ERCC6L: variants seen among roughly 807,000 people sequenced by gnomAD.
ERCC6L encodes the protein ERCC excision repair 6 like, spindle assembly checkpoint helicase, also known as DNA excision repair protein ERCC-6-like.
A neutral mutation model predicts 20.1 loss-of-function variants in ERCC6L; 7 were observed. The observed-to-expected ratio is 0.35, with a 90% CI of 0.20 to 0.65. The LOEUF (loss-of-function observed/expected upper bound fraction) is 0.65, where lower values mean the gene tolerates loss of function less well. Ranked by LOEUF, ERCC6L falls within the 30% of genes least tolerant of loss-of-function variation. The pLI is 0.69. For missense variants in ERCC6L, 592 were observed against 892.4 expected, an observed-to-expected ratio of 0.66 and a Z score of 4.29; for synonymous variants, 278 against 331.3, an observed-to-expected ratio of 0.84 and a Z score of 1.75.
At chrX:72,213,782 A>G (rs931901024) in intron 1 of ERCC6L, among the ~76,000 whole-genome samples, 2 of 111,263 alleles carry the variant, frequency 1.8e-5, no homozygotes, top group Non-Finnish European at 3.8e-5. Context: ...GAGCTATAAC[A>G]CTCACCATGT....
intron 1 of ERCC6L, among the ~76,000 whole-genome samples, chrX:72,220,652 T>C (rs751763266): frequency 3.9e-5 from 4 of 102,713 alleles, no homozygotes; most frequent in Non-Finnish European, 4.0e-5. Flanking sequence ...CAAGATAACC[T>C]CCCCTCCTCC....
At chrX:72,222,891 C>T (rs771284015) in intron 1 of ERCC6L, among the ~76,000 whole-genome samples, 5 of 108,077 alleles carry the variant, frequency 4.6e-5, no homozygotes, top group South Asian at 4.2e-4. Flanking sequence ...CCACTGCGCC[C>T]GGCCTGAATC....
intron 1 of ERCC6L, among the ~76,000 whole-genome samples, chrX:72,232,805 C>T (rs947273758): frequency 3.6e-5 from 4 of 110,861 alleles, no homozygotes; most frequent in Admixed American, 9.6e-5. Flanking sequence ...AGCGAAACTC[C>T]GTCTCAGAAA....
intron 1 of ERCC6L, among the ~76,000 whole-genome samples, chrX:72,223,758 A>C (rs1361471552): frequency 9.0e-6 from 1 of 111,442 alleles, no homozygotes; most frequent in Non-Finnish European, 1.9e-5. Context: ...TGCTGTCCAA[A>C]GGTCAGTTAC....
At chrX:72,223,280 C>T (rs1377450591) in intron 1 of ERCC6L, among the ~76,000 whole-genome samples, 3 of 97,423 alleles carry the variant, frequency 3.1e-5, no homozygotes, top group Non-Finnish European at 4.1e-5. Flanking sequence ...GCGGAGGTTG[C>T]GGTGAGCTGA....
chrX:72,213,642 T>A (rs1401614639), intron 1 of ERCC6L, among the ~76,000 whole-genome samples: 1 of 112,371 alleles, frequency 8.9e-6, no homozygotes, highest in Non-Finnish European at 1.9e-5. Context: ...AAGGCGCCCA[T>A]TGCCGCTCCC....
In ERCC6L at chrX:72,238,960, A is replaced by C. The variant is rs1426087908; in HGVS notation, c.-49T>G. On this transcript the variant is annotated 5_prime_UTR_variant, in exon 1 of 2. Coordinates refer to ENST00000334463, the MANE Select transcript of ERCC6L (RefSeq NM_017669.4). Reference sequence around the variant, plus strand: ...ACCCCGGCGGGAGTTTGGAGCTTGGAGCTTGGAGCTTGGAGCTTGGAGCTT... The same window carrying C: ...ACCCCGGCGGGAGTTTGGAGCTTGGCGCTTGGAGCTTGGAGCTTGGAGCTT... 1 of 990,461 alleles carries C rather than the reference A, an allele frequency of 1.0e-6. No individual in the cohort carries two copies. The highest frequency in any genetic ancestry group is 2.6e-5 in the Admixed American group (1 of 38,354). The allele number at this position is 990,461 out of a possible 1,213,427, so 81.6% of individuals were successfully genotyped here. A position where few individuals can be genotyped will look rare whatever the true frequency, so the allele number is the denominator to read the frequency against.
At chrX:72,219,847 CAAA>C (rs55860938) in intron 1 of ERCC6L, among the ~76,000 whole-genome samples, 3 of 64,973 alleles carry the variant, frequency 4.6e-5, no homozygotes, top group Non-Finnish European at 3.1e-5. Flanking sequence ...GACTCCGTCT[CAAA>C]AAAAAAAAAA....
At chrX:72,218,789 G>T (rs1323296715) in intron 1 of ERCC6L, among the ~76,000 whole-genome samples, 1 of 112,391 alleles carries the variant, frequency 8.9e-6, no homozygotes, top group African/African-American at 3.2e-5. Context: ...ACTTTGGGAA[G>T]TATTGCCATT....
At chrX:72,218,194 T>C (rs990950779) in intron 1 of ERCC6L, among the ~76,000 whole-genome samples, 1 of 105,200 alleles carries the variant, frequency 9.5e-6, no homozygotes, top group Admixed American at 1.0e-4. Flanking sequence ...GGTGGGAACC[T>C]GGGAGGCGGA....
chrX:72,227,788 C>T (rs753112764), intron 1 of ERCC6L, among the ~76,000 whole-genome samples: 35 of 111,665 alleles, frequency 3.1e-4, no homozygotes, highest in African/African-American at 1.1e-3. Flanking sequence ...GACTTTCCTC[C>T]CCACCTAATT....
At chrX:72,225,608 C>T (rs1006289626) in intron 1 of ERCC6L, among the ~76,000 whole-genome samples, 4 of 111,983 alleles carry the variant, frequency 3.6e-5, no homozygotes, top group Non-Finnish European at 3.8e-5. Flanking sequence ...TTTCTTTCCT[C>T]GGATTAGTGG....
At position 72,204,912 on chromosome X, in the gene ERCC6L, C is replaced by A. The variant is rs2042806794; in HGVS notation, c.*102G>T. ...AAGTTGCTTTTTGAGATCTTTCTTG[C>A]CTTAAGCCTGAATGCTTCATGTTCC... On this transcript the variant is annotated 3_prime_UTR_variant, in exon 2 of 2. Coordinates refer to ENST00000334463, the MANE Select transcript of ERCC6L (RefSeq NM_017669.4). 4.0e-6 allele frequency: 3 copies of A among 757,681 alleles called. No individual in the cohort carries two copies. The highest frequency in any genetic ancestry group is 4.0e-5 in the Admixed American group (1 of 24,702). 62.4% of individuals were successfully genotyped at this position (757,681 alleles called of 1,213,427 possible). A position where few individuals can be genotyped will look rare whatever the true frequency, so the allele number is the denominator to read the frequency against.
At chrX:72,225,212 C>CT (rs2042947279) in intron 1 of ERCC6L, among the ~76,000 whole-genome samples, 1 of 111,747 alleles carries the variant, frequency 8.9e-6, no homozygotes, top group Non-Finnish European at 1.9e-5. Context: ...TTTTTGCTTT[C>CT]ACTTAGACCG....
rs1428388180 is a variant in ERCC6L at position 72,206,464 on chromosome X, A to G, written c.2303T>C (p.Ile768Thr). The change falls in exon 2 of 2, where the codon ATC becomes ACC. Residue 768 changes from isoleucine to threonine, a missense_variant. Ile to Thr is a moderately conservative substitution (Grantham distance 89). Around this residue, in one of 3 missense-constraint regions of ERCC6L, gnomAD observed 352 missense variants for 402.6 expected, o/e 0.87. Transcript: ENST00000334463. ...LSTHHTQEEDISSKMASVVID... is the reference protein window; with the variant it reads ...LSTHHTQEEDTSSKMASVVID... ...GACTACACTTGCCATTTTGGAACTG[A>G]TATCTTCTTCCTGAGTATGATGAGT... The G allele has an allele frequency of 7.4e-6, 9 of 1,210,969 alleles. No individual in the cohort carries two copies. Among genetic ancestry groups the G allele is most frequent in the South Asian group, 1.8e-5 (1 of 56,814 alleles).
At chrX:72,224,746 A>AAAAC (rs1014408205) in intron 1 of ERCC6L, among the ~76,000 whole-genome samples, 42 of 111,445 alleles carry the variant, frequency 3.8e-4, no homozygotes, top group Middle Eastern at 4.7e-3. Flanking sequence ...ACTCTGTCTC[A>AAAAC]AAACAAACAA....
intron 1 of ERCC6L, among the ~76,000 whole-genome samples, chrX:72,238,426 T>C (rs982918305): frequency 9.0e-6 from 1 of 111,553 alleles, no homozygotes; most frequent in Non-Finnish European, 1.9e-5. Flanking sequence ...ATTATACCTC[T>C]TACAGCACTT....
At chrX:72,235,389 C>CTTT (rs144267277) in intron 1 of ERCC6L, among the ~76,000 whole-genome samples, 27 of 68,515 alleles carry the variant, frequency 3.9e-4, no homozygotes, top group African/African-American at 1.2e-3. Flanking sequence ...CCCTCTTCCA[C>CTTT]TTTTTTTTTT....
In ERCC6L at chrX:72,238,271, C is replaced by A. The variant is rs2043028937; in HGVS notation, c.68+573G>T. ...AAATTCTCATCCCAACATTACCACG[C>A]CCCCCACCCTTAGCCAACTGGTGAA... On this transcript the variant is annotated intron_variant, in intron 1 of 1. Transcript: ENST00000334463. Among the ~76,000 whole-genome samples, 4 of 111,736 alleles carry A rather than the reference C, an allele frequency of 3.6e-5. No individual in the cohort carries two copies. The South Asian group carries it at 1.1e-3, about 32-fold the overall frequency.
Sources: allele counts gnomAD v4.1 joint callset (sites outside exome capture counted in the v4.1 genomes callset), GRCh38; gene constraint gnomAD v4.1.1; regional missense constraint gnomAD v4.1.1; transcripts MANE v1.5; gene names NCBI Gene and HGNC (gene_info 2026-07-23, HGNC 2026-07-21).